The following RRAGC variants were observed in gnomAD, a reference collection of about 807,000 sequenced individuals.
RRAGC encodes ras-related GTP-binding protein C.
A neutral mutation model predicts 37.1 loss-of-function variants in RRAGC; 8 were observed. The ratio of observed to expected loss-of-function variants is 0.22; its 90% confidence interval spans 0.13 to 0.39. The LOEUF (loss-of-function observed/expected upper bound fraction) is 0.39. RRAGC is among the 10% of genes least tolerant of loss of function. RRAGC has a pLI of 1.00. For synonymous variants in RRAGC, 190 were observed against 181.1 expected (o/e 1.05, Z -0.39); for missense variants, 342 against 497.6 (o/e 0.69, Z 2.98).
intron 1 of RRAGC, among the ~76,000 whole-genome samples, chr1:38,857,750 A>C (rs534931706): frequency 6.6e-6 from 1 of 152,358 alleles, no homozygotes; most frequent in African/African-American, 2.4e-5. Context: ...ACTTGAGGTC[A>C]GGAGTTCGAG....
intron 5 of RRAGC, among the ~76,000 whole-genome samples, chr1:38,849,492 C>A (rs1270453576): frequency 6.6e-6 from 1 of 152,136 alleles, no homozygotes; most frequent in African/African-American, 2.4e-5. Flanking sequence ...AGTTCGAGAC[C>A]AGCCTGGCCA....
chr1:38,842,915 T>C (rs899504391), intron 6 of RRAGC, among the ~76,000 whole-genome samples: 1 of 152,222 alleles, frequency 6.6e-6, no homozygotes, highest in Non-Finnish European at 1.5e-5. Flanking sequence ...AGAAGACTAC[T>C]TATATTTTTA....
At chr1:38,854,858 A>C (rs1016395570) in intron 3 of RRAGC, among the ~76,000 whole-genome samples, 4 of 152,164 alleles carry the variant, frequency 2.6e-5, no homozygotes, top group African/African-American at 9.7e-5. Context: ...ACAGAGAAAT[A>C]ACTTGCTGTC....
intron 5 of RRAGC, chr1:38,846,644 T>A (rs1453843844): frequency 6.6e-6 from 1 of 152,190 alleles, no homozygotes; most frequent in Non-Finnish European, 1.5e-5. Flanking sequence ...TATGTTGAAA[T>A]CAACAACTTT....
chr1:38,844,017 T>C (rs951501035), intron 6 of RRAGC, among the ~76,000 whole-genome samples: 22 of 152,028 alleles, frequency 1.4e-4, no homozygotes, highest in Admixed American at 1.3e-3. Flanking sequence ...AATGATCAGA[T>C]TTGGTGAAAA....
At chr1:38,841,677 T>G (rs114378809) in intron 6 of RRAGC, among the ~76,000 whole-genome samples, 1 of 150,346 alleles carries the variant, frequency 6.7e-6, no homozygotes. Context: ...AAAAAAAAAT[T>G]TTTTTAAGAT....
intron 6 of RRAGC, among the ~76,000 whole-genome samples, chr1:38,845,586 G>A (rs774492457): frequency 2.2e-4 from 33 of 152,166 alleles, no homozygotes; most frequent in African/African-American, 2.7e-4. Flanking sequence ...TAGCAAACCC[G>A]TGCGTTGTGC....
chr1:38,852,416 T>C lies in RRAGC; in HGVS notation c.714A>G (p.Pro238=), dbSNP rs1054245930. 16 of 1,609,700 alleles carry C rather than the reference T, an allele frequency of 9.9e-6. No homozygotes were observed. In the African/African-American group the frequency reaches 1.7e-4, roughly 17 times the overall value. ...AFSKVVQKLI[P]QLPTLENLLN... is the part of the protein sequence containing the mutation. ...ATAGGTTTTCCAAGGTCGGCAGTTG[T>C]GGAATGAGTTTCTGCACCACCTTAC... Residue 238 remains proline (P), a synonymous_variant, in exon 4 of 7, where the codon CCA becomes CCG. Coordinates refer to ENST00000373001, the MANE Select transcript of RRAGC (RefSeq NM_022157.4).
At chr1:38,850,496 G>A (rs570018916) in intron 5 of RRAGC, among the ~76,000 whole-genome samples, 9 of 150,126 alleles carry the variant, frequency 6.0e-5, no homozygotes, top group East Asian at 1.9e-4. Flanking sequence ...CCTGGGCGAC[G>A]GAGCAAGACT....
chr1:38,855,643 T>C, intron 3 of RRAGC, 65 bp downstream of exon 3: 1 of 1,264,338 alleles, frequency 7.9e-7, no homozygotes, highest in Non-Finnish European at 1.2e-6. Context: ...GTGTTTGTAA[T>C]GACAGAGATG....
chr1:38,844,312 G>A (rs1312791365), intron 6 of RRAGC, among the ~76,000 whole-genome samples: 2 of 152,032 alleles, frequency 1.3e-5, no homozygotes, highest in Non-Finnish European at 2.9e-5. Flanking sequence ...CATGGGACGA[G>A]AGCATGATCC....
At position 38,845,992 on chromosome 1, in the gene RRAGC, G is replaced by C. The variant is rs1642023600; in HGVS notation, c.995C>G (p.Thr332Ser). 1 of 1,612,726 alleles carries C rather than the reference G, an allele frequency of 6.2e-7. No homozygotes were observed. Among genetic ancestry groups the C allele is most frequent in the Non-Finnish European group, 8.5e-7 (1 of 1,179,220 alleles). The stretch of plus-strand genomic sequence containing the variant: ...AATGCAGACCAGTGCCAAAAATTTA[G>C]TCACCTCCTTTAAATAAAGGACAGT... ...NTTVLYLKEV[T>S]KFLALVCILR... The change falls in exon 6 of 7, where the codon ACT (threonine) becomes AGT (serine). Residue 332 changes from threonine to serine, a missense_variant. By Grantham distance (58) the Thr-to-Ser change is moderately conservative (BLOSUM62 1). This residue lies in a region of RRAGC where 104 missense variants were observed against 127.0 expected (regional missense o/e 0.82). Coordinates refer to ENST00000373001, the MANE Select transcript of RRAGC (RefSeq NM_022157.4).
chr1:38,851,606 A>G lies in RRAGC; in HGVS notation c.899+9T>C, dbSNP rs1642102050. On this transcript the variant is annotated intron_variant, in intron 5 of 6. Coordinates refer to ENST00000373001, the MANE Select transcript of RRAGC (RefSeq NM_022157.4). Reference sequence around the variant, plus strand: ...TCTGAGATATTGCAGGAATATATACATAACTTACCCATATATACAAGACAC... The same window carrying G: ...TCTGAGATATTGCAGGAATATATACGTAACTTACCCATATATACAAGACAC... 2 of 1,507,944 alleles carry G rather than the reference A, an allele frequency of 1.3e-6. No homozygotes were observed. The highest frequency in any genetic ancestry group is 8.8e-7 in the Non-Finnish European group (1 of 1,135,152). 93.4% of individuals were successfully genotyped at this position (1,507,944 alleles called of 1,614,324 possible).
chr1:38,850,637 G>A (rs1227073196), intron 5 of RRAGC, among the ~76,000 whole-genome samples: 1 of 152,138 alleles, frequency 6.6e-6, no homozygotes, highest in South Asian at 2.1e-4. Context: ...GGCAGCTGGA[G>A]AAATTAAGCA....
Position 38,839,198 on chromosome 1 carries a change from C to A in RRAGC, c.*355G>T. 1 of 195,308 alleles carries A rather than the reference C, an allele frequency of 5.1e-6. No homozygotes were observed. The highest frequency in any genetic ancestry group is 1.0e-5 in the Non-Finnish European group (1 of 97,154). The allele number at this position is 195,308 out of a possible 1,614,324, so 12.1% of individuals were successfully genotyped here. A position where few individuals can be genotyped will look rare whatever the true frequency, so the allele number is the denominator to read the frequency against. ...AAAATTCAGTCTTTTCTATTATTTT[C>A]AACTGGAATTGATGGCAACATTCCC... On this transcript the variant is annotated 3_prime_UTR_variant, in exon 7 of 7. Coordinates refer to ENST00000373001, the MANE Select transcript of RRAGC (RefSeq NM_022157.4).
At chr1:38,840,719 G>GA (rs1282127288) in intron 6 of RRAGC, among the ~76,000 whole-genome samples, 2 of 150,266 alleles carry the variant, frequency 1.3e-5, no homozygotes, top group Admixed American at 6.6e-5. Context: ...TGGAAGACAG[G>GA]AAAAAAAAAT....
intron 1 of RRAGC, among the ~76,000 whole-genome samples, chr1:38,857,319 T>C (rs779820622): frequency 3.3e-5 from 5 of 152,214 alleles, no homozygotes; most frequent in Admixed American, 6.5e-5. Flanking sequence ...CTATGTTCTA[T>C]GCACCATACT....
intron 3 of RRAGC, among the ~76,000 whole-genome samples, chr1:38,854,900 T>C (rs1262545324): frequency 6.6e-6 from 1 of 152,218 alleles, no homozygotes; most frequent in Non-Finnish European, 1.5e-5. Context: ...AAGCTACTTC[T>C]ATCGTCAAGA....
intron 1 of RRAGC, among the ~76,000 whole-genome samples, chr1:38,857,819 G>A (rs1642185850): frequency 6.6e-6 from 1 of 152,176 alleles, no homozygotes; most frequent in South Asian, 2.1e-4. Context: ...AATTAGTCGG[G>A]CGTGGTGGTG....
Sources: gnomAD v4.1 joint callset for allele counts (sites outside exome capture counted in the v4.1 genomes callset) on GRCh38, gnomAD v4.1.1 for gene constraint, gnomAD v4.1.1 regional missense constraint, MANE v1.5 for transcripts, NCBI Gene and HGNC (gene_info 2026-07-23, HGNC 2026-07-21) for gene names.